The following USP4 variants were observed in gnomAD, a reference collection of about 807,000 sequenced individuals.
The protein encoded by USP4 is ubiquitin carboxyl-terminal hydrolase 4.
A neutral mutation model predicts 118.2 loss-of-function variants in USP4; 72 were observed. The ratio of observed to expected loss-of-function variants is 0.61; its 90% CI spans 0.50 to 0.74. The LOEUF is 0.74. Ranked by LOEUF, USP4 falls within the 30% of genes least tolerant of loss-of-function variation. The pLI is 0.00. For synonymous variants in USP4, 415 were observed against 440.4 expected, an observed-to-expected ratio of 0.94 and a Z score of 0.72; for missense variants, 1,037 against 1,185.7, an observed-to-expected ratio of 0.87 and a Z score of 1.84.
At chr3:49,333,880 G>A (rs1031677166) in intron 2 of USP4, among the ~76,000 whole-genome samples, 4 of 152,134 alleles carry the variant, frequency 2.6e-5, no homozygotes, top group South Asian at 2.1e-4. Context: ...TTAGCCGGGC[G>A]TGGTGGCACA....
chr3:49,334,103 A>G (rs2047646281), intron 2 of USP4, among the ~76,000 whole-genome samples: 1 of 152,234 alleles, frequency 6.6e-6, no homozygotes, highest in African/African-American at 2.4e-5. Context: ...GAATTACCAA[A>G]ATGTGGTAAC....
rs1223372640 is a variant in USP4 at position 49,298,408 on chromosome 3, G to A, written c.1596+144C>T. On this transcript the variant is annotated intron_variant, in intron 12 of 21. Transcript: ENST00000265560. ...GTCTCAGTCACAATGTGCATAGTGA[G>A]TGAGGCATCCAGACACACACAAATA... 12 of 759,774 alleles carry A rather than the reference G, an allele frequency of 1.6e-5. No homozygotes were observed. In the Admixed American group the frequency reaches 1.9e-4, roughly 12 times the overall value. The allele number at this position is 759,774 out of a possible 1,614,324, so 47.1% of individuals were successfully genotyped here.
chr3:49,318,248 C>T, intron 6 of USP4: 2 of 880,160 alleles, frequency 2.3e-6, no homozygotes, highest in Non-Finnish European at 2.7e-6. Flanking sequence ...GGATTACAGG[C>T]ATGAGCCACC....
chr3:49,284,321 A>G (rs987565536), intron 18 of USP4, 145 bp downstream of exon 18: 3 of 1,037,370 alleles, frequency 2.9e-6, no homozygotes, highest in African/African-American at 3.2e-5. Flanking sequence ...GGAAACCTCA[A>G]CTCACAGAGG....
intron 2 of USP4, among the ~76,000 whole-genome samples, chr3:49,333,462 G>T (rs1371776734): frequency 6.6e-6 from 1 of 152,086 alleles, no homozygotes; most frequent in African/African-American, 2.4e-5. Flanking sequence ...ACCTATTTCG[G>T]CTTCCTTAAC....
chr3:49,312,425 G>A (rs750692528), intron 6 of USP4: 11 of 449,786 alleles, frequency 2.4e-5, no homozygotes, highest in East Asian at 7.0e-5. Context: ...GGAGTAAGCC[G>A]AGACTGCACC....
At chr3:49,338,105 T>C (rs1041948619) in intron 1 of USP4, among the ~76,000 whole-genome samples, 1 of 123,388 alleles carries the variant, frequency 8.1e-6, no homozygotes. Context: ...ATTAAAACAA[T>C]CTCTGTGGAG....
intron 6 of USP4, among the ~76,000 whole-genome samples, chr3:49,313,314 G>A (rs1441821129): frequency 6.6e-6 from 1 of 152,078 alleles, no homozygotes; most frequent in Non-Finnish European, 1.5e-5. Flanking sequence ...ATCACTTGAG[G>A]TCAGGAGTTC....
chr3:49,330,242 G>A (rs1361333541), intron 2 of USP4, among the ~76,000 whole-genome samples: 2 of 152,116 alleles, frequency 1.3e-5, no homozygotes, highest in African/African-American at 2.4e-5. Flanking sequence ...GCTGCAGAAC[G>A]GATGTTTTTA....
chr3:49,310,696 G>A lies in USP4; in HGVS notation c.878C>T (p.Pro293Leu), dbSNP rs374258560. Residue 293 changes from proline to leucine, a missense_variant, in exon 8 of 22, where the codon CCA becomes CTA. Transcript: ENST00000265560. ...FSASYNCQEP[P>L]SSHIQPGLCG... ...GAGCCCAGGTTGTATATGAGAGGATGGTGGCTCCTGACAATTATACGAAGC... is the reference window on the plus strand; with the variant it reads ...GAGCCCAGGTTGTATATGAGAGGATAGTGGCTCCTGACAATTATACGAAGC... 7.2e-5 allele frequency: 117 copies of A among 1,614,012 alleles called. No individual in the cohort carries two copies. Among genetic ancestry groups the A allele is most frequent in the Non-Finnish European group, 9.7e-5 (114 of 1,180,040 alleles).
chr3:49,338,675 AAAAAGAAAAG>A (rs1230186378), intron 1 of USP4, among the ~76,000 whole-genome samples: 32 of 150,910 alleles, frequency 2.1e-4, no homozygotes, highest in Non-Finnish European at 4.3e-4. Context: ...AAAAAAAAAA[AAAAAGAAAAG>A]AAAAGAAAAG....
intron 8 of USP4, among the ~76,000 whole-genome samples, chr3:49,309,919 G>A (rs183288631): frequency 1.6e-5 from 2 of 127,436 alleles, no homozygotes; most frequent in Non-Finnish European, 3.3e-5. Context: ...GAGCCACAGT[G>A]CTGCCCCCGG....
At chr3:49,279,512 C>T (rs924179988) in intron 20 of USP4, among the ~76,000 whole-genome samples, 2 of 151,992 alleles carry the variant, frequency 1.3e-5, no homozygotes, top group African/African-American at 4.8e-5. Context: ...AACAGTTTCC[C>T]ACAATGATTC....
chr3:49,311,936 C>T, intron 6 of USP4: 1 of 1,107,634 alleles, frequency 9.0e-7, no homozygotes, highest in Non-Finnish European at 1.1e-6. Flanking sequence ...AATCCTAGTA[C>T]TTTGGGAGGC....
chr3:49,288,327 T>A (rs2107769555), intron 15 of USP4, among the ~76,000 whole-genome samples: 1 of 152,316 alleles, frequency 6.6e-6, no homozygotes, highest in Admixed American at 6.5e-5. Flanking sequence ...TGGCTGCCAG[T>A]TACCTGGATA....
At chr3:49,326,792 C>G (rs1458883735) in intron 3 of USP4, among the ~76,000 whole-genome samples, 2 of 150,258 alleles carry the variant, frequency 1.3e-5, no homozygotes, top group African/African-American at 4.9e-5. Flanking sequence ...ACCTCCGTCT[C>G]CTGGGTTCAA....
intron 6 of USP4, among the ~76,000 whole-genome samples, chr3:49,320,725 CCTT>C (rs2047490273): frequency 6.6e-6 from 1 of 152,210 alleles, no homozygotes; most frequent in South Asian, 2.1e-4. Context: ...AATTCAGCCT[CCTT>C]ATTTCAGGTT....
In USP4 at chr3:49,284,852, A is replaced by AG. The variant is rs1355369111; in HGVS notation, c.2267dup (p.Glu757Ter). ...CCACGAACCCCGAGGGACCTACCTC[A>AG]GATTCTTGCTCATCATAGTAAAGTC... On this transcript the variant is annotated frameshift_variant, in exon 17 of 22. Coordinates refer to ENST00000265560, the MANE Select transcript of USP4 (RefSeq NM_003363.4). LOFTEE classifies it high-confidence loss of function. 3 of 1,613,666 alleles carry AG rather than the reference A, an allele frequency of 1.9e-6. No individual in the cohort carries two copies.
chr3:49,317,359 T>C (rs1335293087), intron 6 of USP4: 2 of 1,170,484 alleles, frequency 1.7e-6, no homozygotes, highest in Non-Finnish European at 2.5e-6. Flanking sequence ...GTCCTCCTCC[T>C]GCTGGATCTG....
Sources: gnomAD v4.1 joint callset for allele counts (sites outside exome capture counted in the v4.1 genomes callset) on GRCh38, gnomAD v4.1.1 for gene constraint, MANE v1.5 for transcripts, NCBI Gene and HGNC (gene_info 2026-07-23, HGNC 2026-07-21) for gene names.